The following MECOM variants were observed in gnomAD, a reference collection of about 807,000 sequenced individuals.
MECOM encodes the protein histone-lysine N-methyltransferase MECOM.
In MECOM, 13 loss-of-function variants were observed where a neutral mutation model predicts 116.3. The ratio of observed to expected loss-of-function variants is 0.11; its 90% CI spans 0.07 to 0.18. MECOM has a LOEUF of 0.18. Among genes scored for constraint, MECOM ranks in the 10% least tolerant of loss-of-function variants. The probability of loss-of-function intolerance (pLI) is 1.00; values close to 1 mark genes in which losing one functional copy is unlikely to be tolerated. For synonymous variants in MECOM, 528 were observed against 535.2 expected (o/e 0.99, Z 0.19); for missense variants, 1,299 against 1,509.0 (o/e 0.86, Z 2.31).
chr3:169,632,200 T>C (rs1279399764), intron 1 of MECOM, among the ~76,000 whole-genome samples: 2 of 125,010 alleles, frequency 1.6e-5, no homozygotes, highest in Non-Finnish European at 3.5e-5. Context: ...AATATATATA[T>C]ATATATATTC....
At chr3:169,649,757 A>G (rs938970142) in intron 1 of MECOM, among the ~76,000 whole-genome samples, 2 of 152,238 alleles carry the variant, frequency 1.3e-5, no homozygotes, top group African/African-American at 4.8e-5. Context: ...AAAAGTACGC[A>G]TTTGAAACAA....
intron 1 of MECOM, among the ~76,000 whole-genome samples, chr3:169,575,907 C>G (rs1398570400): frequency 4.6e-5 from 7 of 152,096 alleles, no homozygotes; most frequent in Non-Finnish European, 7.4e-5. Flanking sequence ...AAAGCTCAGC[C>G]TAGCATTTCC....
At chr3:169,663,186 C>A in intron 1 of MECOM, 150 bp downstream of exon 1, 1 of 850,484 alleles carries the variant, frequency 1.2e-6, no homozygotes. Context: ...AGACTGGAAC[C>A]GGCAGGTTGC....
At position 169,533,703 on chromosome 3, in the gene MECOM, T is replaced by C. The variant is rs114694327; in HGVS notation, c.37+129633A>G. On this transcript the variant is annotated intron_variant, in intron 1 of 16. Coordinates refer to ENST00000651503, the MANE Select transcript of MECOM (RefSeq NM_004991.4). ...AAGGAAAAAGAAAATGCAGGCTGGG[T>C]TAAGTTCCTCACAGAGGTTTTTGAA... 4.2e-3 allele frequency among the ~76,000 whole-genome samples: 640 copies of C among 151,932 alleles called. 6 individuals are homozygous for C. Among genetic ancestry groups the C allele is most frequent in the African/African-American group, 0.015 (623 of 41,398 alleles).
At chr3:169,497,762 C>G (rs1238723286) in intron 1 of MECOM, among the ~76,000 whole-genome samples, 1 of 152,182 alleles carries the variant, frequency 6.6e-6, no homozygotes, top group Non-Finnish European at 1.5e-5. Flanking sequence ...CCAATGGCTT[C>G]TCATTATGTC....
chr3:169,515,933 A>G (rs945893943), intron 1 of MECOM, among the ~76,000 whole-genome samples: 9 of 152,210 alleles, frequency 5.9e-5, no homozygotes, highest in Admixed American at 2.6e-4. Flanking sequence ...CTGGGGGGAA[A>G]ATGCTGAAAC....
At chr3:169,604,899 C>T (rs1221036455) in intron 1 of MECOM, among the ~76,000 whole-genome samples, 1 of 152,116 alleles carries the variant, frequency 6.6e-6, no homozygotes, top group Admixed American at 6.5e-5. Context: ...CTCATTTTTC[C>T]CTTTTCCTCA....
intron 2 of MECOM, chr3:169,144,985 T>A: frequency 6.4e-7 from 1 of 1,561,978 alleles, no homozygotes; most frequent in South Asian, 1.2e-5. Flanking sequence ...CAGATTCAAG[T>A]CATTAACTCA....
intron 1 of MECOM, among the ~76,000 whole-genome samples, chr3:169,654,813 A>AATATCAAAACAC (rs1553908334): frequency 6.8e-6 from 1 of 147,988 alleles, no homozygotes; most frequent in African/African-American, 2.5e-5. Flanking sequence ...CACCTATCAA[A>AATATCAAAACAC]ACACACACAC....
At chr3:169,451,225 T>C (rs904337728) in intron 1 of MECOM, among the ~76,000 whole-genome samples, 6 of 150,570 alleles carry the variant, frequency 4.0e-5, no homozygotes, top group Admixed American at 3.4e-4. Context: ...TCTGTCTCTC[T>C]CTCATTTAGA....
intron 1 of MECOM, among the ~76,000 whole-genome samples, chr3:169,533,591 T>TTTTTTTTAA (rs55667588): frequency 3.0e-5 from 4 of 132,246 alleles, no homozygotes; most frequent in African/African-American, 1.2e-4. Flanking sequence ...TTTTTTTTTT[T>TTTTTTTTAA]ATTTCCTTAT....
chr3:169,635,905 C>T (rs1365174484), intron 1 of MECOM, among the ~76,000 whole-genome samples: 1 of 152,194 alleles, frequency 6.6e-6, no homozygotes, highest in Admixed American at 6.5e-5. Context: ...CGAGCCTTCC[C>T]ATAATTATGC....
chr3:169,352,416 A>G (rs1465521386), intron 2 of MECOM, among the ~76,000 whole-genome samples: 1 of 151,914 alleles, frequency 6.6e-6, no homozygotes, highest in East Asian at 1.9e-4. Context: ...TAATTAGCTA[A>G]CTTTACTATG....
At chr3:169,433,643 AAG>A (rs1218841619) in intron 1 of MECOM, among the ~76,000 whole-genome samples, 1 of 94,670 alleles carries the variant, frequency 1.1e-5, no homozygotes, top group Non-Finnish European at 2.1e-5. Context: ...GAGAAAGAGA[AAG>A]AAAGAAAGAA....
chr3:169,397,447 A>T (rs1735189783), intron 1 of MECOM, among the ~76,000 whole-genome samples: 1 of 152,210 alleles, frequency 6.6e-6, no homozygotes, highest in Non-Finnish European at 1.5e-5. Context: ...GGAAGTCATA[A>T]GATTAACCTA....
At chr3:169,288,831 G>A (rs903625220) in intron 2 of MECOM, among the ~76,000 whole-genome samples, 32 of 152,170 alleles carry the variant, frequency 2.1e-4, no homozygotes, top group Admixed American at 1.6e-3. Flanking sequence ...CCTCAATCAC[G>A]ATTGTGTAAA....
intron 2 of MECOM, among the ~76,000 whole-genome samples, chr3:169,180,641 G>C (rs1177303410): frequency 6.6e-6 from 1 of 151,474 alleles, no homozygotes; most frequent in Non-Finnish European, 1.5e-5. Context: ...TTCATGTTTT[G>C]TCTTTGTAAG....
Position 169,458,977 on chromosome 3 carries a change from T to C in MECOM, c.38-77453A>G, listed in dbSNP as rs150125270. ...GCAAAAAAGCAGCTCAAGCGCAGCATTTAAACATGTCTGAATGATGACTCG... is the reference window on the plus strand; with the variant it reads ...GCAAAAAAGCAGCTCAAGCGCAGCACTTAAACATGTCTGAATGATGACTCG... On this transcript the variant is annotated intron_variant, in intron 1 of 16. Coordinates refer to ENST00000651503, the MANE Select transcript of MECOM (RefSeq NM_004991.4). Among the ~76,000 whole-genome samples, 288 of 152,322 alleles carry C rather than the reference T, an allele frequency of 1.9e-3. 5 individuals are homozygous for C. The highest frequency in any genetic ancestry group is 6.5e-3 in the African/African-American group (270 of 41,580).
chr3:169,648,867 A>G (rs1774506873), intron 1 of MECOM, among the ~76,000 whole-genome samples: 1 of 152,204 alleles, frequency 6.6e-6, no homozygotes, highest in African/African-American at 2.4e-5. Context: ...CAGTTTGGGC[A>G]TTTTAATCAG....
Sources: allele counts gnomAD v4.1 joint callset (sites outside exome capture counted in the v4.1 genomes callset), GRCh38; gene constraint gnomAD v4.1.1; transcripts MANE v1.5; gene names NCBI Gene and HGNC (gene_info 2026-07-23, HGNC 2026-07-21).